POLR3B: variants seen among roughly 807,000 people sequenced by gnomAD.
POLR3B encodes the protein DNA-directed RNA polymerase III subunit RPC2.
In POLR3B, 96 loss-of-function variants were observed where a neutral mutation model predicts 147.4. That is an observed-to-expected ratio of 0.65 (90% CI 0.55 to 0.77). POLR3B has a LOEUF of 0.77. Among genes scored for constraint, POLR3B ranks in the 30% least tolerant of loss-of-function variants. The pLI is 0.00. For missense variants in POLR3B, 1,036 were observed against 1,413.5 expected (o/e 0.73, Z 4.28); for synonymous variants, 461 against 485.9 (o/e 0.95, Z 0.67).
intron 16 of POLR3B, among the ~76,000 whole-genome samples, chr12:106,435,878 A>T (rs1187547778): frequency 1.3e-5 from 2 of 152,222 alleles, no homozygotes; most frequent in African/African-American, 4.8e-5. Flanking sequence ...TTATAATGGC[A>T]TAACAGATCT....
At chr12:106,401,249 A>C (rs1230283181) in intron 10 of POLR3B, among the ~76,000 whole-genome samples, 2 of 152,260 alleles carry the variant, frequency 1.3e-5, no homozygotes. Flanking sequence ...TCCTCGATAC[A>C]TACATCCTCC....
At chr12:106,467,457 C>G (rs1009330366) in intron 23 of POLR3B, among the ~76,000 whole-genome samples, 11 of 152,166 alleles carry the variant, frequency 7.2e-5, no homozygotes, top group African/African-American at 2.7e-4. Context: ...GTTCTCTTGC[C>G]TGATTGCCCT....
intron 23 of POLR3B, among the ~76,000 whole-genome samples, chr12:106,470,663 G>A (rs889298355): frequency 2.0e-5 from 3 of 152,118 alleles, no homozygotes; most frequent in Non-Finnish European, 4.4e-5. Context: ...TTTTGTTGAC[G>A]TTGATGCTAT....
rs148879912 is a variant in POLR3B, at chr12:106,410,877, C to A, written c.1018C>A (p.Arg340=). The change falls in exon 12 of 28, where the codon CGA becomes AGA. Residue 340 remains arginine, a synonymous_variant. Coordinates refer to ENST00000228347, the MANE Select transcript of POLR3B (RefSeq NM_018082.6). ...ATGTATCTATACTGCAGTGATGGTG[C>A]GAAGAGTTATTCTGGCCCAAGGAGA... ...AKCIYTAVMV[R]RVILAQGDNK... The A allele has an allele frequency of 1.9e-6, 3 of 1,613,240 alleles. No individual in the cohort carries two copies. The highest frequency in any genetic ancestry group is 2.5e-6 in the Non-Finnish European group (3 of 1,179,468).
intron 19 of POLR3B, among the ~76,000 whole-genome samples, chr12:106,452,998 G>A (rs754884953): frequency 6.6e-6 from 1 of 150,854 alleles, no homozygotes; most frequent in East Asian, 1.9e-4. Context: ...TTTGCTGCTT[G>A]AATGGTTTAT....
At chr12:106,395,715 A>T (rs901420399) in intron 10 of POLR3B, among the ~76,000 whole-genome samples, 1 of 152,108 alleles carries the variant, frequency 6.6e-6, no homozygotes, top group East Asian at 1.9e-4. Context: ...ATGGTGGCTT[A>T]TGCCTGTAAT....
chr12:106,366,524 C>G lies in POLR3B; in HGVS notation c.114C>G (p.Gly38=), dbSNP rs1192407869. The change falls in exon 3 of 28, where the codon GGC becomes GGG. Residue 38 remains glycine, a synonymous_variant. Transcript: ENST00000228347. ...RLLPAFLKVK[G]LVKQHIDSFN... is the part of the protein sequence containing the mutation. The stretch of plus-strand genomic sequence containing the variant: ...TCTTTCTATCTGTTTAGGTGAAAGG[C>G]CTTGTGAAACAGCATATAGATTCAT... 5 of 1,608,170 alleles carry G rather than the reference C, an allele frequency of 3.1e-6. No individual in the cohort carries two copies. The highest frequency in any genetic ancestry group is 4.3e-6 in the Non-Finnish European group (5 of 1,175,448).
At chr12:106,496,667 G>A (rs980833503) in intron 24 of POLR3B, 85 bp from the exon 25 acceptor site, 20 of 1,147,340 alleles carry the variant, frequency 1.7e-5, no homozygotes, top group East Asian at 2.4e-5. Context: ...AATAGTGGTC[G>A]TGGGGAAATG....
At chr12:106,506,028 C>T (rs542225002) in intron 27 of POLR3B, among the ~76,000 whole-genome samples, 7 of 152,224 alleles carry the variant, frequency 4.6e-5, no homozygotes, top group African/African-American at 1.7e-4. Flanking sequence ...AAGAGGTGGC[C>T]ATTTGCGGTT....
chr12:106,393,994 G>A (rs1034548099), intron 10 of POLR3B, among the ~76,000 whole-genome samples: 3 of 152,198 alleles, frequency 2.0e-5, no homozygotes, highest in African/African-American at 2.4e-5. Flanking sequence ...ACCTATCCAC[G>A]TGTACATTGT....
intron 27 of POLR3B, among the ~76,000 whole-genome samples, chr12:106,506,882 C>T (rs2038696064): frequency 6.6e-6 from 1 of 152,120 alleles, no homozygotes; most frequent in South Asian, 2.1e-4. Context: ...ATTACCTGAT[C>T]ATGTGTGCTG....
chr12:106,366,518 GA>G lies in POLR3B; in HGVS notation c.111del (p.Gly38AlafsTer3). On this transcript the variant is annotated frameshift_variant, in exon 3 of 28. Transcript: ENST00000228347. LOFTEE classifies it high-confidence loss of function. ...WRLLPAFLKV[K>X]GLVKQHIDSF... ...ACTTTCTCTTTCTATCTGTTTAGGT[GA>G]AAGGCCTTGTGAAACAGCATATAGA... 6.2e-7 allele frequency: 1 copy of G among 1,606,470 alleles called. No individual in the cohort carries two copies. The highest frequency in any genetic ancestry group is 8.5e-7 in the Non-Finnish European group (1 of 1,173,976).
chr12:106,500,098 T>C (rs1266885080), intron 25 of POLR3B: 1 of 456,042 alleles, frequency 2.2e-6, no homozygotes. Flanking sequence ...CTGTGTCCAT[T>C]TCTTCATCTT....
In POLR3B at chr12:106,410,825, G is replaced by A. The variant is rs1391689482; in HGVS notation, c.967-1G>A. The A allele has an allele frequency of 6.2e-7, 1 of 1,613,760 alleles. No homozygotes were observed. Among genetic ancestry groups the A allele is most frequent in the Non-Finnish European group, 8.5e-7 (1 of 1,179,830 alleles). On this transcript the variant is annotated splice_acceptor_variant, in intron 11 of 27. Transcript: ENST00000228347. LOFTEE classifies it high-confidence loss of function. Reference sequence around the variant, plus strand: ...ATTTTTCTCCAATTTCTGACTTACAGGTTAAGGAATTCAATTTCCGAGCCA... The same window carrying A: ...ATTTTTCTCCAATTTCTGACTTACAAGTTAAGGAATTCAATTTCCGAGCCA...
intron 9 of POLR3B, 22 bp from the exon 10 acceptor site, chr12:106,393,009 C>G (rs368107762): frequency 5.9e-5 from 96 of 1,613,864 alleles, no homozygotes; most frequent in South Asian, 2.1e-4. Context: ...AACACTCTTT[C>G]TATCTTTTCT....
At chr12:106,426,696 A>C (rs143041860) in intron 12 of POLR3B, among the ~76,000 whole-genome samples, 2,465 of 152,252 alleles carry the variant, frequency 0.016, 67 homozygotes, top group African/African-American at 0.056. Context: ...AGGTATAACT[A>C]GGAGAGGAAC....
At chr12:106,436,942 C>T in intron 16 of POLR3B, 115 bp from the exon 17 acceptor site, 1 of 801,812 alleles carries the variant, frequency 1.2e-6, no homozygotes. Flanking sequence ...CTCAGCAATC[C>T]AGGAATAGGT....
chr12:106,420,943 G>T (rs2037365983), intron 12 of POLR3B, among the ~76,000 whole-genome samples: 1 of 151,754 alleles, frequency 6.6e-6, no homozygotes, highest in South Asian at 2.1e-4. Context: ...TTAATTTCTT[G>T]ATTTATTATA....
chr12:106,432,518 C>T, intron 15 of POLR3B, 38 bp downstream of exon 15: 1 of 1,512,968 alleles, frequency 6.6e-7, no homozygotes, highest in Non-Finnish European at 9.2e-7. Flanking sequence ...CCTAGATAGT[C>T]TGTGAAGAGG....
Sources: gnomAD v4.1 joint callset for allele counts (sites outside exome capture counted in the v4.1 genomes callset) on GRCh38, gnomAD v4.1.1 for gene constraint, MANE v1.5 for transcripts, NCBI Gene and HGNC (gene_info 2026-07-23, HGNC 2026-07-21) for gene names.